Variants in CSNK1D observed in about 807,000 individuals in gnomAD.
The protein encoded by CSNK1D is casein kinase I isoform delta.
A neutral mutation model predicts 46.6 loss-of-function variants in CSNK1D; 16 were observed. The ratio of observed to expected loss-of-function variants is 0.34; its 90% CI spans 0.23 to 0.52. The LOEUF is 0.52. Ranked by LOEUF, CSNK1D falls within the 20% of genes least tolerant of loss-of-function variation. CSNK1D has a pLI of 0.95. For missense variants in CSNK1D, 398 were observed against 578.4 expected (o/e 0.69, Z 3.20); for synonymous variants, 276 against 228.2 (o/e 1.21, Z -1.89).
In CSNK1D at chr17:82,252,745, A is replaced by C. The variant is rs555696990; in HGVS notation, c.566-141T>G. 1.1e-6 allele frequency: 1 copy of C among 899,608 alleles called. No individual in the cohort carries two copies. The highest frequency in any genetic ancestry group is 2.0e-5 in the Admixed American group (1 of 50,072). 55.7% of individuals were successfully genotyped at this position (899,608 alleles called of 1,614,324 possible). On this transcript the variant is annotated intron_variant, in intron 4 of 8. Transcript: ENST00000314028. This position sits in a 1 kb window ranked among gnomAD's most constrained non-coding sequence, Gnocchi z 4.6. ...CCAGCTGGCACTTCCAGTGGAGACG[A>C]ACCTCGGACACACATGCCCAGATCA... is the stretch of plus-strand genomic sequence containing the variant.
chr17:82,242,114 CCA>C (rs1052922426), downstream of CSNK1D, among the ~76,000 whole-genome samples: 9 of 152,102 alleles, frequency 5.9e-5, no homozygotes, highest in Admixed American at 5.9e-4. Flanking sequence ...CTGAGCTCAC[CCA>C]CACACGAGCA....
chr17:82,273,252 G>C lies in CSNK1D; in HGVS notation c.76+54C>G. ...TCCTTCCGCGATCGCGCTTGGTCTTGGCAGCCGCAGGGCCCGGGTCTTCGG... is the reference window on the plus strand; with the variant it reads ...TCCTTCCGCGATCGCGCTTGGTCTTCGCAGCCGCAGGGCCCGGGTCTTCGG... On this transcript the variant is annotated intron_variant, in intron 1 of 8. Coordinates refer to ENST00000314028, the MANE Select transcript of CSNK1D (RefSeq NM_001893.6). This position sits in a 1 kb window ranked among gnomAD's most constrained non-coding sequence, Gnocchi z 5.1. 1 of 1,547,834 alleles carries C rather than the reference G, an allele frequency of 6.5e-7. No individual in the cohort carries two copies. The highest frequency in any genetic ancestry group is 8.8e-7 in the Non-Finnish European group (1 of 1,141,664).
intron 2 of CSNK1D, among the ~76,000 whole-genome samples, chr17:82,257,658 G>A (rs1273689461): frequency 6.6e-6 from 1 of 152,170 alleles, no homozygotes; most frequent in Non-Finnish European, 1.5e-5. Context: ...AGGGCGCCCT[G>A]GGCTGCCCCC....
chr17:82,260,623 G>A (rs370792324), intron 2 of CSNK1D, among the ~76,000 whole-genome samples: 22 of 147,586 alleles, frequency 1.5e-4, no homozygotes, highest in African/African-American at 5.9e-4. Context: ...GACTGATGGT[G>A]TACTGAGTGA....
Position 82,273,553 on chromosome 17 carries a change from A to C in CSNK1D, c.-172T>G. ...GCCCCGCCGCTCCCAGCGCCTCAATACGGGGCGGATGGGACAGTCCGAGCG... is the reference window on the plus strand; with the variant it reads ...GCCCCGCCGCTCCCAGCGCCTCAATCCGGGGCGGATGGGACAGTCCGAGCG... On this transcript the variant is annotated 5_prime_UTR_variant, in exon 1 of 9. Coordinates refer to ENST00000314028, the MANE Select transcript of CSNK1D (RefSeq NM_001893.6). The surrounding 1 kb of genome is among the most constrained non-coding windows in gnomAD (Gnocchi z 5.1). The C allele has an allele frequency of 1.1e-5, 9 of 788,214 alleles. No homozygotes were observed. The highest frequency in any genetic ancestry group is 1.6e-5 in the Non-Finnish European group (8 of 494,100). The allele number at this position is 788,214 out of a possible 1,614,324, so 48.8% of individuals were successfully genotyped here.
rs529816696 is a variant in CSNK1D at position 82,252,036 on chromosome 17, G to A, written c.736+398C>T. Among the ~76,000 whole-genome samples the A allele has an allele frequency of 6.6e-6, 1 of 152,202 alleles. No homozygotes were observed. Among genetic ancestry groups the A allele is most frequent in the Admixed American group, 6.5e-5 (1 of 15,296 alleles). On this transcript the variant is annotated intron_variant, in intron 5 of 8. Coordinates refer to ENST00000314028, the MANE Select transcript of CSNK1D (RefSeq NM_001893.6). This position sits in a 1 kb window ranked among gnomAD's most constrained non-coding sequence, Gnocchi z 4.6. ...CATAAAGCACAATTTAGTTTCATTTGAGGTGTGTATCCTGGGGCAATCCTA... is the reference window on the plus strand; with the variant it reads ...CATAAAGCACAATTTAGTTTCATTTAAGGTGTGTATCCTGGGGCAATCCTA...
At chr17:82,264,059 T>TA (rs765493843) in intron 2 of CSNK1D, among the ~76,000 whole-genome samples, 9 of 152,256 alleles carry the variant, frequency 5.9e-5, no homozygotes, top group Non-Finnish European at 8.8e-5. Flanking sequence ...CACATAAACT[T>TA]AGAAACGTCG....
In CSNK1D at chr17:82,250,166, G is replaced by A. The variant is rs2147165949; in HGVS notation, c.886-564C>T. 5.4e-6 allele frequency: 7 copies of A among 1,290,020 alleles called. No individual in the cohort carries two copies. In the South Asian group the frequency reaches 8.6e-5, roughly 16 times the overall value. 79.9% of individuals were successfully genotyped at this position (1,290,020 alleles called of 1,614,324 possible). On this transcript the variant is annotated intron_variant, in intron 6 of 8. Transcript: ENST00000314028. The surrounding 1 kb of genome is among the most constrained non-coding windows in gnomAD (Gnocchi z 4.6). ...CGGGGGTGGGGAGGTCAGATTTTAA[G>A]CCGAGACAGCAACCTATGAAAAAGC...
rs1178662879 is a variant in CSNK1D, at chr17:82,248,796, C to G, written c.1197+79G>C. ...GGGGGGAAGAAAGGAAAGAAGAAGC[C>G]CTGGAGAAACCACAGCCCGCTCTTG... is the stretch of plus-strand genomic sequence containing the variant. On this transcript the variant is annotated intron_variant, in intron 8 of 8. Coordinates refer to ENST00000314028, the MANE Select transcript of CSNK1D (RefSeq NM_001893.6). The surrounding 1 kb of genome is among the most constrained non-coding windows in gnomAD (Gnocchi z 4.1). 2 of 1,552,480 alleles carry G rather than the reference C, an allele frequency of 1.3e-6. No individual in the cohort carries two copies.
At position 82,260,175 on chromosome 17, in the gene CSNK1D, G is replaced by C. The variant is rs1599604905; in HGVS notation, c.188-4598C>G. Reference sequence around the variant, plus strand: ...TGATGGTGTACTGACTGATGTGACTGATGGTGTACTGAGTGGTGACTGATG... The same window carrying C: ...TGATGGTGTACTGACTGATGTGACTCATGGTGTACTGAGTGGTGACTGATG... On this transcript the variant is annotated intron_variant, in intron 2 of 8. Coordinates refer to ENST00000314028, the MANE Select transcript of CSNK1D (RefSeq NM_001893.6). Among the ~76,000 whole-genome samples the C allele has an allele frequency of 2.0e-5, 3 of 147,310 alleles. No homozygotes were observed. In the East Asian group the frequency reaches 6.1e-4, roughly 30 times the overall value.
At position 82,251,808 on chromosome 17, in the gene CSNK1D, G is replaced by C. The variant is rs1599587772; in HGVS notation, c.737-281C>G. On this transcript the variant is annotated intron_variant, in intron 5 of 8. Transcript: ENST00000314028. This position sits in a 1 kb window ranked among gnomAD's most constrained non-coding sequence, Gnocchi z 4.5. ...GATCAAGACCATCCTGGCTAACACA[G>C]TGAAACCCCATCTCTACTGAAAAAA... The C allele has an allele frequency of 2.5e-6, 1 of 405,554 alleles. No individual in the cohort carries two copies. Among genetic ancestry groups the C allele is most frequent in the South Asian group, 2.2e-5 (1 of 44,634 alleles). The allele number at this position is 405,554 out of a possible 1,614,324, so 25.1% of individuals were successfully genotyped here. A position where few individuals can be genotyped will look rare whatever the true frequency, so the allele number is the denominator to read the frequency against.
intron 1 of CSNK1D, among the ~76,000 whole-genome samples, chr17:82,270,891 A>G (rs2051604637): frequency 6.6e-6 from 1 of 152,128 alleles, no homozygotes; most frequent in African/African-American, 2.4e-5. Flanking sequence ...ATCCAGCATG[A>G]CTGTATGCCC....
intron 2 of CSNK1D, among the ~76,000 whole-genome samples, chr17:82,260,190 GGTGACTGATGGTGTACTGACTGAT>G (rs2051292566): frequency 7.3e-6 from 1 of 137,136 alleles, no homozygotes; most frequent in Non-Finnish European, 1.5e-5. Flanking sequence ...TGTACTGAGT[GGTGACTGATGGTGTACTGACTGAT>G]GTGACTGATG....
chr17:82,248,999 CG>C lies in CSNK1D; in HGVS notation c.1072del (p.Arg358GlyfsTer12). On this transcript the variant is annotated frameshift_variant, in exon 8 of 9. Transcript: ENST00000314028. LOFTEE classifies it high-confidence loss of function. This position sits in a 1 kb window ranked among gnomAD's most constrained non-coding sequence, Gnocchi z 4.1. The part of the protein sequence containing the change: ...PTSHTANTSP[R>X]PVSGMERERK... ...CTCTCTCTCCATGCCGGAGACGGGC[CG>C]GGGGGAGGTGTTAGCTGAGGACAGG... 6.4e-7 allele frequency: 1 copy of C among 1,562,958 alleles called. No homozygotes were observed. Among genetic ancestry groups the C allele is most frequent in the African/African-American group, 1.4e-5 (1 of 73,666 alleles).
chr17:82,266,496 C>T (rs767987325), intron 1 of CSNK1D, among the ~76,000 whole-genome samples: 4 of 152,204 alleles, frequency 2.6e-5, no homozygotes, highest in African/African-American at 4.8e-5. Context: ...AATACCATGA[C>T]GATCGGACTA....
In CSNK1D at chr17:82,265,584, C is replaced by T. The variant is rs756515746; in HGVS notation, c.187+102G>A. The T allele has an allele frequency of 2.8e-5, 26 of 935,846 alleles. 2 individuals carry two copies. The South Asian group carries it at 3.1e-4, about 11-fold the overall frequency. The allele number at this position is 935,846 out of a possible 1,614,324, so 58.0% of individuals were successfully genotyped here. The stretch of plus-strand genomic sequence containing the variant: ...GTGGAGAACACTTCCCTCCCTTTTG[C>T]CCAGAACCAGTTTTGGGTTTATTTT... On this transcript the variant is annotated intron_variant, in intron 2 of 8. Transcript: ENST00000314028.
At chr17:82,272,330 G>A (rs2051647901) in intron 1 of CSNK1D, 1 of 151,630 alleles carries the variant, frequency 6.6e-6, no homozygotes, top group Non-Finnish European at 1.5e-5. Context: ...GGCAACAAGA[G>A]CGAAACTCCG....
At chr17:82,245,214 G>T in intron 8 of CSNK1D, 1 of 401,478 alleles carries the variant, frequency 2.5e-6, no homozygotes, top group Non-Finnish European at 4.7e-6. Flanking sequence ...TTTCCAGAGT[G>T]TGCACAGTGT....
In CSNK1D at chr17:82,250,364, G is replaced by C; in HGVS notation, c.886-762C>G. ...AGCACCGTGCGGCCAGCACCGCCCA[G>C]ACTCCTCATGCTGCCATTTACGGAA... On this transcript the variant is annotated intron_variant, in intron 6 of 8. Coordinates refer to ENST00000314028, the MANE Select transcript of CSNK1D (RefSeq NM_001893.6). This position sits in a 1 kb window ranked among gnomAD's most constrained non-coding sequence, Gnocchi z 4.6. 1 of 428,638 alleles carries C rather than the reference G, an allele frequency of 2.3e-6. No homozygotes were observed. The highest frequency in any genetic ancestry group is 4.3e-6 in the Non-Finnish European group (1 of 232,230). 26.6% of individuals were successfully genotyped at this position (428,638 alleles called of 1,614,324 possible).
Sources: gnomAD v4.1 joint callset for allele counts (sites outside exome capture counted in the v4.1 genomes callset) on GRCh38, gnomAD v4.1.1 for gene constraint, Gnocchi (gnomAD v3.1) non-coding constraint, MANE v1.5 for transcripts, NCBI Gene and HGNC (gene_info 2026-07-23, HGNC 2026-07-21) for gene names.